SUGCT: variants seen among roughly 807,000 people sequenced by gnomAD.
SUGCT encodes succinyl-CoA:glutarate-CoA transferase.
In SUGCT, 41 loss-of-function variants were observed where a neutral mutation model predicts 55.0. The ratio of observed to expected loss-of-function variants is 0.74; its 90% confidence interval spans 0.58 to 0.97. SUGCT has a LOEUF of 0.97. SUGCT is among the 50% of genes least tolerant of loss of function. The probability of loss-of-function intolerance (pLI) is 0.00; values close to 1 mark genes in which losing one functional copy is unlikely to be tolerated. For missense variants in SUGCT, 568 were observed against 547.8 expected, an observed-to-expected ratio of 1.04 and a Z score of -0.37; for synonymous variants, 187 against 200.4, an observed-to-expected ratio of 0.93 and a Z score of 0.56.
chr7:40,362,404 G>A (rs909231133), intron 9 of SUGCT, among the ~76,000 whole-genome samples: 8 of 151,916 alleles, frequency 5.3e-5, no homozygotes, highest in African/African-American at 1.9e-4. Context: ...GGGTGACAGA[G>A]CGAGAGTCCA....
intron 12 of SUGCT, among the ~76,000 whole-genome samples, chr7:40,631,711 G>A (rs138468772): frequency 1.1e-3 from 175 of 152,272 alleles, no homozygotes; most frequent in Non-Finnish European, 1.9e-3. Flanking sequence ...AGCCTGGGTA[G>A]GGTTTGACAG....
At chr7:40,529,869 C>G (rs1793995435) in intron 12 of SUGCT, among the ~76,000 whole-genome samples, 1 of 152,178 alleles carries the variant, frequency 6.6e-6, no homozygotes, top group Non-Finnish European at 1.5e-5. Flanking sequence ...CACCCACCAG[C>G]TAAGCTATTC....
intron 12 of SUGCT, among the ~76,000 whole-genome samples, chr7:40,614,945 A>T (rs1253854361): frequency 6.6e-6 from 1 of 152,082 alleles, no homozygotes; most frequent in Non-Finnish European, 1.5e-5. Flanking sequence ...AATCCCAGTT[A>T]CTTGGGAGGC....
chr7:40,868,859 CT>C, the SUGCT span, among the ~76,000 whole-genome samples: 1 of 152,104 alleles, frequency 6.6e-6, no homozygotes, highest in African/African-American at 2.4e-5. Flanking sequence ...TGGGCTATGA[CT>C]TGCTTTTTAA....
At chr7:41,008,292 C>A in the SUGCT span, among the ~76,000 whole-genome samples, 1 of 152,224 alleles carries the variant, frequency 6.6e-6, no homozygotes, top group Non-Finnish European at 1.5e-5. Flanking sequence ...CCACCCCACG[C>A]TCCTGAACGC....
intron 13 of SUGCT, among the ~76,000 whole-genome samples, chr7:40,831,048 C>T (rs777590007): frequency 1.3e-5 from 2 of 152,124 alleles, no homozygotes; most frequent in Non-Finnish European, 1.5e-5. Flanking sequence ...GAAAGCTGAA[C>T]CTTCTAAGAG....
At chr7:40,783,735 A>G (rs1017178128) in intron 13 of SUGCT, 4 of 152,146 alleles carry the variant, frequency 2.6e-5, no homozygotes, top group Non-Finnish European at 5.9e-5. Context: ...AAATATACCA[A>G]TGTAGATGTG....
At chr7:40,925,849 T>G in the SUGCT span, among the ~76,000 whole-genome samples, 4 of 152,108 alleles carry the variant, frequency 2.6e-5, no homozygotes, top group Non-Finnish European at 5.9e-5. Context: ...ATTCCAACAA[T>G]TTGGGAGGCT....
chr7:40,705,175 T>C (rs562236661), intron 12 of SUGCT, among the ~76,000 whole-genome samples: 1 of 152,294 alleles, frequency 6.6e-6, no homozygotes, highest in South Asian at 2.1e-4. Flanking sequence ...TTATTTTGAG[T>C]TTTTATTTTT....
intron 13 of SUGCT, among the ~76,000 whole-genome samples, chr7:40,820,125 C>A (rs1187528708): frequency 6.6e-6 from 1 of 152,102 alleles, no homozygotes; most frequent in Non-Finnish European, 1.5e-5. Context: ...TGGCCTATAT[C>A]TCTGTTTTGG....
chr7:40,861,602 T>C (rs1002712496), downstream of SUGCT, among the ~76,000 whole-genome samples: 7 of 152,236 alleles, frequency 4.6e-5, no homozygotes, highest in African/African-American at 1.4e-4. Flanking sequence ...ATGTTCATCT[T>C]TCAAACTGTG....
At chr7:40,662,760 C>T (rs572505163) in intron 12 of SUGCT, among the ~76,000 whole-genome samples, 18 of 152,224 alleles carry the variant, frequency 1.2e-4, no homozygotes, top group East Asian at 5.8e-4. Flanking sequence ...TCTTTCTAGC[C>T]GTACTGGGAC....
At chr7:40,884,566 T>C in the SUGCT span, among the ~76,000 whole-genome samples, 2 of 152,126 alleles carry the variant, frequency 1.3e-5, no homozygotes, top group African/African-American at 2.4e-5. Context: ...GTGATTGATA[T>C]TAAGGGATGA....
At chr7:40,249,331 ATATATATATATAT>A in intron 7 of SUGCT, among the ~76,000 whole-genome samples, 1 of 115,900 alleles carries the variant, frequency 8.6e-6, no homozygotes, top group African/African-American at 3.4e-5. Context: ...ATATATATAT[ATATATATATATAT>A]ATAATTATAT....
intron 12 of SUGCT, among the ~76,000 whole-genome samples, chr7:40,517,951 T>C (rs1793336736): frequency 6.6e-6 from 1 of 152,074 alleles, no homozygotes. Flanking sequence ...GGAAAAACTA[T>C]GGAGTCAGAA....
At chr7:40,234,361 T>C (rs1788889980) in intron 6 of SUGCT, among the ~76,000 whole-genome samples, 1 of 152,220 alleles carries the variant, frequency 6.6e-6, no homozygotes, top group East Asian at 1.9e-4. Flanking sequence ...AACCATTGCT[T>C]TGAAGGCTGG....
At chr7:40,654,931 A>G (rs1357619233) in intron 12 of SUGCT, among the ~76,000 whole-genome samples, 2 of 152,248 alleles carry the variant, frequency 1.3e-5, no homozygotes, top group African/African-American at 4.8e-5. Context: ...TATTAATTTC[A>G]TGAAATATAT....
chr7:40,357,762 C>CT (rs57050624), intron 9 of SUGCT, among the ~76,000 whole-genome samples: 1,964 of 149,846 alleles, frequency 0.013, 38 homozygotes, highest in African/African-American at 0.044. Context: ...TTTTTAAAAT[C>CT]TTTTTTCTTT....
At chr7:40,756,094 T>G (rs1788239318) in intron 13 of SUGCT, among the ~76,000 whole-genome samples, 1 of 152,172 alleles carries the variant, frequency 6.6e-6, no homozygotes, top group African/African-American at 2.4e-5. Flanking sequence ...TCTATTTTAT[T>G]ATCGGACACA....
Sources: allele counts gnomAD v4.1 joint callset (sites outside exome capture counted in the v4.1 genomes callset), GRCh38; gene constraint gnomAD v4.1.1; transcripts MANE v1.5; gene names NCBI Gene and HGNC (gene_info 2026-07-23, HGNC 2026-07-21).